The following MED12L variants were observed in gnomAD, a reference collection of about 807,000 sequenced individuals.
MED12L encodes the protein mediator of RNA polymerase II transcription subunit 12-like protein.
A neutral mutation model predicts 281.3 loss-of-function variants in MED12L; 60 were observed. That is an observed-to-expected ratio of 0.21 (90% CI 0.17 to 0.26). The LOEUF (loss-of-function observed/expected upper bound fraction) is 0.26. MED12L is among the 10% of genes least tolerant of loss of function. The pLI is 1.00. For missense variants in MED12L, 2,146 were observed against 2,680.9 expected, an observed-to-expected ratio of 0.80 and a Z score of 4.41; for synonymous variants, 974 against 987.2, an observed-to-expected ratio of 0.99 and a Z score of 0.25.
intron 16 of MED12L, among the ~76,000 whole-genome samples, chr3:151,263,552 C>T (rs779769395): frequency 1.6e-4 from 24 of 152,102 alleles, no homozygotes; most frequent in Admixed American, 2.0e-4. Flanking sequence ...ATGAGCTTTA[C>T]GTGTTTTATC....
intron 43 of MED12L, among the ~76,000 whole-genome samples, chr3:151,427,750 A>G (rs1412365474): frequency 6.6e-6 from 1 of 152,198 alleles, no homozygotes; most frequent in African/African-American, 2.4e-5. Context: ...TGGTTGGTCA[A>G]AGGGTCCAAA....
intron 16 of MED12L, among the ~76,000 whole-genome samples, chr3:151,339,547 T>G (rs1477475529): frequency 1.3e-5 from 2 of 152,124 alleles, no homozygotes; most frequent in Non-Finnish European, 2.9e-5. Context: ...TTCAAATATT[T>G]TAACCCATGT....
chr3:151,172,195 C>T (rs1406398354), intron 11 of MED12L, among the ~76,000 whole-genome samples: 3 of 152,134 alleles, frequency 2.0e-5, no homozygotes, highest in Non-Finnish European at 4.4e-5. Context: ...TAGTGTATTT[C>T]TTTAGGGACA....
At chr3:151,189,469 C>T (rs955337229) in intron 13 of MED12L, among the ~76,000 whole-genome samples, 3 of 152,150 alleles carry the variant, frequency 2.0e-5, no homozygotes, top group Non-Finnish European at 2.9e-5. Context: ...TTACCTTGTA[C>T]CCTGGGGGAG....
chr3:151,115,989 G>T (rs562304176), intron 2 of MED12L, among the ~76,000 whole-genome samples: 17 of 147,362 alleles, frequency 1.2e-4, no homozygotes, highest in African/African-American at 3.5e-4. Flanking sequence ...GCTTGAACCC[G>T]AGAGGTGGAG....
intron 16 of MED12L, chr3:151,338,899 G>T (rs2149937650): frequency 1.9e-6 from 3 of 1,575,176 alleles, no homozygotes; most frequent in Middle Eastern, 1.7e-4. Flanking sequence ...TCAGCCTAAG[G>T]TAGTTATTAT....
chr3:151,127,704 A>G, intron 4 of MED12L, 121 bp from the exon 5 acceptor site: 1 of 669,666 alleles, frequency 1.5e-6, no homozygotes, highest in Non-Finnish European at 2.4e-6. Context: ...TCAAGGATAT[A>G]CTTTCTTAGG....
rs948892828 is a variant in MED12L, at chr3:151,243,712, C to T, written c.2250+50046C>T. On this transcript the variant is annotated intron_variant, in intron 16 of 44. Transcript: ENST00000687756. ...ACTAGGAAGAAACTGCATCAACTAACGAGCAAAATAACCAGCTAACATCAT... is the reference window on the plus strand; with the variant it reads ...ACTAGGAAGAAACTGCATCAACTAATGAGCAAAATAACCAGCTAACATCAT... Among the ~76,000 whole-genome samples the T allele has an allele frequency of 3.8e-3, 578 of 151,912 alleles. 4 individuals carry two copies. The highest frequency in any genetic ancestry group is 0.013 in the African/African-American group (552 of 41,454).
At chr3:151,246,870 A>T (rs1261371330) in intron 16 of MED12L, among the ~76,000 whole-genome samples, 1 of 152,238 alleles carries the variant, frequency 6.6e-6, no homozygotes, top group Non-Finnish European at 1.5e-5. Flanking sequence ...CAACCTACTC[A>T]TCTGACAAAG....
At chr3:151,120,594 T>C (rs887298893) in intron 3 of MED12L, among the ~76,000 whole-genome samples, 2 of 152,186 alleles carry the variant, frequency 1.3e-5, no homozygotes, top group Non-Finnish European at 2.9e-5. Flanking sequence ...ATTTACTAAG[T>C]GTGCATAATG....
intron 16 of MED12L, chr3:151,212,685 A>T (rs1164289275): frequency 1.3e-5 from 2 of 152,074 alleles, no homozygotes; most frequent in African/African-American, 2.4e-5. Context: ...AGAAAAAAAA[A>T]ATTTTCTTGC....
At chr3:151,422,113 T>A (rs902651242) in intron 43 of MED12L, among the ~76,000 whole-genome samples, 1 of 152,132 alleles carries the variant, frequency 6.6e-6, no homozygotes, top group Non-Finnish European at 1.5e-5. Flanking sequence ...CTGCCAGATG[T>A]TATAGAGCGT....
At chr3:151,103,651 G>A (rs539973143) in intron 2 of MED12L, among the ~76,000 whole-genome samples, 12 of 152,286 alleles carry the variant, frequency 7.9e-5, no homozygotes, top group Admixed American at 1.3e-4. Flanking sequence ...CTTAGTGTGC[G>A]TGCCAGTTAC....
intron 6 of MED12L, 114 bp from the exon 7 acceptor site, chr3:151,158,575 T>C: frequency 1.6e-6 from 1 of 633,308 alleles, no homozygotes; most frequent in Non-Finnish European, 2.8e-6. Context: ...AATGAGACTA[T>C]GTTTAACAAC....
intron 16 of MED12L, chr3:151,338,290 A>G: frequency 6.2e-7 from 1 of 1,614,130 alleles, no homozygotes; most frequent in East Asian, 2.2e-5. Flanking sequence ...ATTTCATGCC[A>G]GACTAGACCG....
At chr3:151,254,491 A>C (rs1737444565) in intron 16 of MED12L, among the ~76,000 whole-genome samples, 1 of 152,336 alleles carries the variant, frequency 6.6e-6, no homozygotes, top group South Asian at 2.1e-4. Context: ...TTTCCCATTT[A>C]TAATTAGTTG....
At chr3:151,132,570 C>G (rs1715549408) in intron 5 of MED12L, among the ~76,000 whole-genome samples, 1 of 152,072 alleles carries the variant, frequency 6.6e-6, no homozygotes, top group Non-Finnish European at 1.5e-5. Flanking sequence ...ATGGTGGTAA[C>G]TTTGATGATT....
rs191651214 is a variant in MED12L at position 151,275,641 on chromosome 3, T to C, written c.2251-74418T>C. Among the ~76,000 whole-genome samples, 8 of 152,194 alleles carry C rather than the reference T, an allele frequency of 5.3e-5. No individual in the cohort carries two copies. In the East Asian group the frequency reaches 1.5e-3, roughly 29 times the overall value. On this transcript the variant is annotated intron_variant, in intron 16 of 44. Transcript: ENST00000687756. ...CCAAATGATTACTATAAAAATAGCA[T>C]TCATTAATTACTAGATTTATCCTTT...
intron 16 of MED12L, among the ~76,000 whole-genome samples, chr3:151,345,898 C>T (rs899228874): frequency 6.6e-6 from 1 of 152,134 alleles, no homozygotes; most frequent in African/African-American, 2.4e-5. Context: ...AATGCCTCTG[C>T]CTGTCCTATT....
Sources: gnomAD v4.1 joint callset for allele counts (sites outside exome capture counted in the v4.1 genomes callset) on GRCh38, gnomAD v4.1.1 for gene constraint, MANE v1.5 for transcripts, NCBI Gene and HGNC (gene_info 2026-07-23, HGNC 2026-07-21) for gene names.